ATP6V1B2: variants seen among roughly 807,000 people sequenced by gnomAD.
ATP6V1B2 encodes the protein V-type proton ATPase subunit B, brain isoform.
Under a neutral mutation model 66.7 loss-of-function variants are expected in ATP6V1B2, and 23 were observed. That is an observed-to-expected ratio of 0.34 (90% CI 0.25 to 0.49). The LOEUF (loss-of-function observed/expected upper bound fraction) is 0.49, where lower values mean the gene tolerates loss of function less well. Among genes scored for constraint, ATP6V1B2 ranks in the 20% least tolerant of loss-of-function variants. ATP6V1B2 has a pLI of 0.99. For missense variants in ATP6V1B2, 478 were observed against 650.8 expected (o/e 0.73, Z 2.89); for synonymous variants, 278 against 236.7 (o/e 1.17, Z -1.60).
intron 7 of ATP6V1B2, 36 bp from the exon 8 acceptor site, chr8:20,212,066 T>A: frequency 1.3e-6 from 2 of 1,561,926 alleles, no homozygotes; most frequent in Non-Finnish European, 1.8e-6. Flanking sequence ...TAAGGATTTT[T>A]CTTCTCCCAG....
intron 6 of ATP6V1B2, 51 bp from the exon 7 acceptor site, chr8:20,211,601 G>T (rs572383531): frequency 3.9e-6 from 6 of 1,536,424 alleles, no homozygotes; most frequent in African/African-American, 2.8e-5. Flanking sequence ...TTATTTTGTT[G>T]TAGAAATGTT....
intron 13 of ATP6V1B2, 116 bp downstream of exon 13, chr8:20,218,398 A>AAAT: frequency 7.3e-7 from 1 of 1,363,936 alleles, no homozygotes; most frequent in Non-Finnish European, 9.8e-7. Flanking sequence ...CTGGTTAGAG[A>AAAT]AGAGGCTCTG....
At position 20,217,229 on chromosome 8, in the gene ATP6V1B2, C is replaced by G; in HGVS notation, c.1171C>G (p.Pro391Ala). ...TCTCATTCTACCCAAGATTTATCCACCTATCAATGTGCTGCCCTCACTATC... is the reference window on the plus strand; with the variant it reads ...TCTCATTCTACCCAAGATTTATCCAGCTATCAATGTGCTGCCCTCACTATC... The part of the protein sequence containing the change: ...RQLHNRQIYP[P>A]INVLPSLSRL... Residue 391 changes from proline to alanine, a missense_variant, in exon 12 of 14, where the codon CCT (proline) becomes GCT (alanine). Coordinates refer to ENST00000276390, the MANE Select transcript of ATP6V1B2 (RefSeq NM_001693.4). The G allele has an allele frequency of 6.2e-7, 1 of 1,611,836 alleles. No individual in the cohort carries two copies. The highest frequency in any genetic ancestry group is 1.7e-5 in the Admixed American group (1 of 59,986).
intron 9 of ATP6V1B2, chr8:20,214,563 A>T (rs2128886293): frequency 3.4e-6 from 1 of 291,820 alleles, no homozygotes. Context: ...TCTTCTAGCA[A>T]ACTATTTGAA....
At chr8:20,214,473 G>A (rs538538095) in intron 9 of ATP6V1B2, 4 of 168,396 alleles carry the variant, frequency 2.4e-5, no homozygotes, top group Middle Eastern at 2.8e-3. Flanking sequence ...GTTCCACCAC[G>A]TGGAATAAAT....
chr8:20,217,864 T>G (rs1174941159), intron 12 of ATP6V1B2, among the ~76,000 whole-genome samples: 1 of 152,210 alleles, frequency 6.6e-6, no homozygotes, highest in African/African-American at 2.4e-5. Context: ...GGTTTAACTA[T>G]GAGTTCTGAT....
chr8:20,205,434 G>T (rs1010345662), intron 2 of ATP6V1B2, among the ~76,000 whole-genome samples: 1 of 152,096 alleles, frequency 6.6e-6, no homozygotes, highest in African/African-American at 2.4e-5. Context: ...ATTGGTACGC[G>T]CTGTGAAGAG....
chr8:20,220,625 C>T lies in ATP6V1B2; in HGVS notation c.*223C>T, dbSNP rs2072898195. 2 of 538,270 alleles carry T rather than the reference C, an allele frequency of 3.7e-6. No homozygotes were observed. The highest frequency in any genetic ancestry group is 7.5e-5 in the East Asian group (2 of 26,838). The allele number at this position is 538,270 out of a possible 1,614,324, so 33.3% of individuals were successfully genotyped here. On this transcript the variant is annotated 3_prime_UTR_variant, in exon 14 of 14. Coordinates refer to ENST00000276390, the MANE Select transcript of ATP6V1B2 (RefSeq NM_001693.4). ...GGTCCTCAGTGCTATGTTTAAAGTG[C>T]TGCAGGGATGGAGTGGCGTTTTCTT...
chr8:20,200,974 C>G (rs533020422), intron 1 of ATP6V1B2, among the ~76,000 whole-genome samples: 9 of 152,302 alleles, frequency 5.9e-5, no homozygotes, highest in Middle Eastern at 3.4e-3. Context: ...ATTTCGTAAT[C>G]ATTAAATGGT....
chr8:20,219,305 T>C (rs962157222), intron 13 of ATP6V1B2, among the ~76,000 whole-genome samples: 16 of 152,170 alleles, frequency 1.1e-4, no homozygotes, highest in African/African-American at 2.4e-5. Context: ...CCTTGGCCAT[T>C]GGTGCCAACT....
chr8:20,219,114 C>A (rs1349370759), intron 13 of ATP6V1B2, among the ~76,000 whole-genome samples: 2 of 152,114 alleles, frequency 1.3e-5, no homozygotes, highest in Non-Finnish European at 2.9e-5. Flanking sequence ...TCCTGTATTT[C>A]TTAAACTTTA....
intron 2 of ATP6V1B2, among the ~76,000 whole-genome samples, chr8:20,205,807 A>G (rs555784630): frequency 6.6e-6 from 1 of 152,340 alleles, no homozygotes; most frequent in East Asian, 1.9e-4. Flanking sequence ...ATTAGAAAAG[A>G]AAAATAGCTG....
rs749856715 is a variant in ATP6V1B2, at chr8:20,210,664, A to T, written c.463+18A>T. On this transcript the variant is annotated intron_variant, in intron 5 of 13. Transcript: ENST00000276390. ...TATCATGGGTAGGTACAGTAGATGG[A>T]TTGCTGTGTTTGGGAGAAAATAACC... 6.2e-7 allele frequency: 1 copy of T among 1,601,878 alleles called. No individual in the cohort carries two copies. Among genetic ancestry groups the T allele is most frequent in the Non-Finnish European group, 8.6e-7 (1 of 1,169,080 alleles).
intron 9 of ATP6V1B2, 189 bp downstream of exon 9, chr8:20,213,094 A>G (rs906346727): frequency 4.5e-6 from 3 of 661,996 alleles, no homozygotes; most frequent in African/African-American, 1.8e-5. Flanking sequence ...TTAGAGGTTA[A>G]GATTTAAATG....
rs1369685470 is a variant in ATP6V1B2, at chr8:20,221,506, G to C, written c.*1104G>C. ...TGCCATGCGTCCTGTTGGTCTCTCTGTGTTCTTTGTTACTTGGGTGCAATA... is the reference window on the plus strand; with the variant it reads ...TGCCATGCGTCCTGTTGGTCTCTCTCTGTTCTTTGTTACTTGGGTGCAATA... On this transcript the variant is annotated 3_prime_UTR_variant, in exon 14 of 14. Coordinates refer to ENST00000276390, the MANE Select transcript of ATP6V1B2 (RefSeq NM_001693.4). The C allele has an allele frequency of 6.6e-6, 1 of 152,580 alleles. No individual in the cohort carries two copies. Among genetic ancestry groups the C allele is most frequent in the Non-Finnish European group, 1.5e-5 (1 of 68,042 alleles). 9.5% of individuals were successfully genotyped at this position (152,580 alleles called of 1,614,324 possible). A position where few individuals can be genotyped will look rare whatever the true frequency, so the allele number is the denominator to read the frequency against.
In ATP6V1B2 at chr8:20,204,595, C is replaced by A; in HGVS notation, c.192+56C>A. The A allele has an allele frequency of 4.1e-6, 6 of 1,463,312 alleles. No individual in the cohort carries two copies. In the South Asian group the frequency reaches 5.9e-5, roughly 14 times the overall value. 90.6% of individuals were successfully genotyped at this position (1,463,312 alleles called of 1,614,324 possible). On this transcript the variant is annotated intron_variant, in intron 2 of 13. Coordinates refer to ENST00000276390, the MANE Select transcript of ATP6V1B2 (RefSeq NM_001693.4). ...TGTAGTTAAAAATGTGGCATTAAGT[C>A]CTATTTAGTATACTTTAAATTTTTG...
chr8:20,220,475 G>C lies in ATP6V1B2; in HGVS notation c.*73G>C. ...TTTCTTTATTCCTTTTGCACTCTCG[G>C]TTCCCACCTTTGTGTTGGAGTTTAC... On this transcript the variant is annotated 3_prime_UTR_variant, in exon 14 of 14. Coordinates refer to ENST00000276390, the MANE Select transcript of ATP6V1B2 (RefSeq NM_001693.4). 1 of 1,463,108 alleles carries C rather than the reference G, an allele frequency of 6.8e-7. No individual in the cohort carries two copies. Among genetic ancestry groups the C allele is most frequent in the Non-Finnish European group, 9.0e-7 (1 of 1,109,288 alleles). The allele number at this position is 1,463,108 out of a possible 1,614,324, so 90.6% of individuals were successfully genotyped here. A position where few individuals can be genotyped will look rare whatever the true frequency, so the allele number is the denominator to read the frequency against.
intron 1 of ATP6V1B2, among the ~76,000 whole-genome samples, chr8:20,198,637 AGTGTCTGTCTCTAG>A (rs1563798915): frequency 6.6e-6 from 1 of 152,178 alleles, no homozygotes; most frequent in African/African-American, 2.4e-5. Flanking sequence ...TAATTGCCAG[AGTGTCTGTCTCTAG>A]GTGGCCGACT....
In ATP6V1B2 at chr8:20,217,888, A is replaced by G. The variant is rs137940660; in HGVS notation, c.1267-265A>G. ...ATGAGTTCTGATTTTCAAGTGCTCT[A>G]TAAATTTTGAGCTCATTAACATATT... On this transcript the variant is annotated intron_variant, in intron 12 of 13. Coordinates refer to ENST00000276390, the MANE Select transcript of ATP6V1B2 (RefSeq NM_001693.4). Among the ~76,000 whole-genome samples the G allele has an allele frequency of 5.3e-5, 8 of 152,302 alleles. No homozygotes were observed. The East Asian group carries it at 1.5e-3, about 29-fold the overall frequency.
Sources: allele counts gnomAD v4.1 joint callset (sites outside exome capture counted in the v4.1 genomes callset), GRCh38; gene constraint gnomAD v4.1.1; transcripts MANE v1.5; gene names NCBI Gene and HGNC (gene_info 2026-07-23, HGNC 2026-07-21).